SPMIP2: variants seen among roughly 807,000 people sequenced by gnomAD.
SPMIP2 encodes the protein sperm microtubule inner protein 2.
the SPMIP2 span, among the ~76,000 whole-genome samples, chr4:158,926,118 T>C: frequency 4.6e-5 from 7 of 152,234 alleles, no homozygotes; most frequent in Non-Finnish European, 1.0e-4. Flanking sequence ...GTCTCACTAA[T>C]GTTTTGTCAA....
the SPMIP2 span, among the ~76,000 whole-genome samples, chr4:158,963,761 C>G: frequency 2.0e-5 from 3 of 152,106 alleles, no homozygotes; most frequent in Non-Finnish European, 2.9e-5. Flanking sequence ...TGGGCCTAAG[C>G]TAATCAGGAG....
At chr4:159,042,956 G>A in the SPMIP2 span, among the ~76,000 whole-genome samples, 1 of 151,924 alleles carries the variant, frequency 6.6e-6, no homozygotes, top group Non-Finnish European at 1.5e-5. Context: ...CATCTACCGC[G>A]CCTAGCCTAG....
chr4:158,904,020 T>A, the SPMIP2 span, among the ~76,000 whole-genome samples: 1 of 152,226 alleles, frequency 6.6e-6, no homozygotes, highest in East Asian at 1.9e-4. Context: ...CAATGTTTTT[T>A]AAGAAATTGC....
At chr4:158,893,759 C>T in the SPMIP2 span, 2 of 1,439,370 alleles carry the variant, frequency 1.4e-6, no homozygotes. Context: ...TAGTTTACTT[C>T]ATAAGTATTT....
the SPMIP2 span, among the ~76,000 whole-genome samples, chr4:158,992,554 C>T: frequency 3.4e-5 from 3 of 88,884 alleles, no homozygotes; most frequent in Non-Finnish European, 7.8e-5. Context: ...CCATTACTTG[C>T]CAGCTGTCTT....
chr4:158,901,986 TG>T, the SPMIP2 span, among the ~76,000 whole-genome samples: 1 of 152,106 alleles, frequency 6.6e-6, no homozygotes, highest in East Asian at 1.9e-4. Flanking sequence ...AGCCTACTTC[TG>T]TCAATTCATC....
At chr4:159,071,618 G>T in the SPMIP2 span, among the ~76,000 whole-genome samples, 1 of 152,120 alleles carries the variant, frequency 6.6e-6, no homozygotes, top group Admixed American at 6.6e-5. Context: ...ACTAAAGTCT[G>T]AACATCCTGA....
At chr4:158,903,327 A>G in the SPMIP2 span, among the ~76,000 whole-genome samples, 18 of 152,142 alleles carry the variant, frequency 1.2e-4, no homozygotes, top group African/African-American at 2.4e-4. Context: ...GCCACTCCCA[A>G]TGAGATGAGC....
chr4:158,983,711 C>A, the SPMIP2 span, among the ~76,000 whole-genome samples: 752 of 81,064 alleles, frequency 9.3e-3, 5 homozygotes, highest in Non-Finnish European at 0.014. Context: ...TAAAGACCAT[C>A]GAGACTAGGA....
At chr4:159,076,342 C>T in the SPMIP2 span, among the ~76,000 whole-genome samples, 1 of 152,278 alleles carries the variant, frequency 6.6e-6, no homozygotes, top group East Asian at 1.9e-4. Context: ...ATACAGCATA[C>T]AGCAAGCTAT....
At chr4:158,922,624 A>G in the SPMIP2 span, among the ~76,000 whole-genome samples, 3 of 152,228 alleles carry the variant, frequency 2.0e-5, no homozygotes, top group Non-Finnish European at 4.4e-5. Context: ...TTGAATCCAC[A>G]GATATTTAAG....
chr4:159,031,855 T>C, the SPMIP2 span, among the ~76,000 whole-genome samples: 2 of 152,168 alleles, frequency 1.3e-5, no homozygotes, highest in African/African-American at 2.4e-5. Flanking sequence ...ATAGTCACAA[T>C]AAAATTTGTA....
the SPMIP2 span, among the ~76,000 whole-genome samples, chr4:159,054,634 A>G: frequency 2.8e-4 from 43 of 152,310 alleles, no homozygotes; most frequent in African/African-American, 8.9e-4. Flanking sequence ...TGTCTTTAAC[A>G]TTCTTCACTG....
At chr4:159,067,829 C>T in the SPMIP2 span, among the ~76,000 whole-genome samples, 3 of 151,964 alleles carry the variant, frequency 2.0e-5, no homozygotes, top group Non-Finnish European at 4.4e-5. Context: ...AACAAACAAC[C>T]CCATCAAAAA....
At chr4:158,986,518 A>AATAC in the SPMIP2 span, among the ~76,000 whole-genome samples, 1 of 150,680 alleles carries the variant, frequency 6.6e-6, no homozygotes, top group Admixed American at 6.6e-5. Flanking sequence ...AAACTTGAGA[A>AATAC]AAGCAATGGA....
chr4:158,915,290 A>G, the SPMIP2 span: 1 of 1,613,494 alleles, frequency 6.2e-7, no homozygotes, highest in Non-Finnish European at 8.5e-7. Context: ...CCTCGAAAGC[A>G]CTCATATGCC....
chr4:159,070,311 A>T, the SPMIP2 span, among the ~76,000 whole-genome samples: 2 of 152,228 alleles, frequency 1.3e-5, no homozygotes, highest in African/African-American at 4.8e-5. Flanking sequence ...ATAAACATCA[A>T]CAGTCATCAA....
the SPMIP2 span, among the ~76,000 whole-genome samples, chr4:158,970,414 C>T: frequency 6.6e-6 from 1 of 151,932 alleles, no homozygotes; most frequent in Non-Finnish European, 1.5e-5. Flanking sequence ...GTGGCATGTG[C>T]CTGTAGTCTC....
the SPMIP2 span, among the ~76,000 whole-genome samples, chr4:158,985,543 T>C: frequency 2.0e-5 from 3 of 152,180 alleles, no homozygotes; most frequent in African/African-American, 7.2e-5. Context: ...CAGATGATTA[T>C]CTCAATAGAT....
Sources: allele counts gnomAD v4.1 joint callset (sites outside exome capture counted in the v4.1 genomes callset), GRCh38; gene constraint gnomAD v4.1.1; transcripts MANE v1.5; gene names NCBI Gene and HGNC (gene_info 2026-07-23, HGNC 2026-07-21).